NCKAP5: variants seen among roughly 807,000 people sequenced by gnomAD.
NCKAP5 encodes the protein NCK associated protein 5.
Under a neutral mutation model 167.0 loss-of-function variants are expected in NCKAP5, and 92 were observed. The ratio of observed to expected loss-of-function variants is 0.55; its 90% CI spans 0.47 to 0.66. NCKAP5 has a LOEUF of 0.66. Among genes scored for constraint, NCKAP5 ranks in the 30% least tolerant of loss-of-function variants. NCKAP5 has a pLI of 0.00. For synonymous variants in NCKAP5, 891 were observed against 877.4 expected (o/e 1.02, Z -0.27); for missense variants, 2,378 against 2,315.0 (o/e 1.03, Z -0.56).
intron 3 of NCKAP5, among the ~76,000 whole-genome samples, chr2:133,462,650 T>C (rs930276231): frequency 1.3e-5 from 2 of 152,286 alleles, no homozygotes; most frequent in East Asian, 1.9e-4. Context: ...TGTTATATCA[T>C]ACACAGAACT....
At chr2:132,780,378 C>A (rs1026346588) in intron 15 of NCKAP5, among the ~76,000 whole-genome samples, 25 of 152,226 alleles carry the variant, frequency 1.6e-4, no homozygotes, top group African/African-American at 6.0e-4. Context: ...TCTCGATCTC[C>A]TGACCTTGTG....
At chr2:133,392,581 G>T (rs558713894) in intron 3 of NCKAP5, among the ~76,000 whole-genome samples, 10 of 152,190 alleles carry the variant, frequency 6.6e-5, no homozygotes, top group African/African-American at 2.4e-4. Context: ...TGTTGTTTTT[G>T]TCTTTATATA....
intron 5 of NCKAP5, among the ~76,000 whole-genome samples, chr2:133,203,885 T>C (rs1052006408): frequency 3.9e-5 from 6 of 152,366 alleles, no homozygotes; most frequent in South Asian, 2.1e-4. Context: ...AGCATTATTC[T>C]GAAGATTTCT....
In NCKAP5 at chr2:132,958,120, C is replaced by A. The variant is rs147940230; in HGVS notation, c.579+5600G>T. On this transcript the variant is annotated intron_variant, in intron 8 of 19. Transcript: ENST00000409261. Reference sequence around the variant, plus strand: ...TGAACCTCTAGGCAGCCAAGGGCTCCCGCTAGTCCCCATACTACCATAACC... The same window carrying A: ...TGAACCTCTAGGCAGCCAAGGGCTCACGCTAGTCCCCATACTACCATAACC... Among the ~76,000 whole-genome samples, 2 of 152,230 alleles carry A rather than the reference C, an allele frequency of 1.3e-5. 1 individual carries two copies. Among genetic ancestry groups the A allele is most frequent in the East Asian group, 3.9e-4 (2 of 5,184 alleles).
intron 3 of NCKAP5, among the ~76,000 whole-genome samples, chr2:133,410,996 C>A (rs1688737634): frequency 6.6e-6 from 1 of 152,208 alleles, no homozygotes; most frequent in African/African-American, 2.4e-5. Flanking sequence ...TGGCAGTCTG[C>A]ACTGGATGCT....
intron 3 of NCKAP5, among the ~76,000 whole-genome samples, chr2:133,317,676 A>G (rs1036639412): frequency 5.9e-5 from 9 of 152,278 alleles, no homozygotes; most frequent in Admixed American, 5.2e-4. Flanking sequence ...TTAGTGCTGA[A>G]AACACTTGAA....
intron 3 of NCKAP5, among the ~76,000 whole-genome samples, chr2:133,509,052 CA>C (rs1683264122): frequency 1.3e-5 from 2 of 152,198 alleles, no homozygotes; most frequent in African/African-American, 2.4e-5. Context: ...CTGAATGAAA[CA>C]GGTGTCACCC....
intron 2 of NCKAP5, among the ~76,000 whole-genome samples, chr2:133,528,610 G>C (rs966080166): frequency 2.0e-5 from 3 of 152,280 alleles, no homozygotes; most frequent in African/African-American, 7.2e-5. Context: ...TGTAATAGCG[G>C]AATTCCAAGC....
chr2:132,961,149 C>A (rs78521685), intron 8 of NCKAP5, among the ~76,000 whole-genome samples: 7,404 of 152,032 alleles, frequency 0.049, 557 homozygotes, highest in African/African-American at 0.17. Context: ...CCAGCTCTGA[C>A]TGCAGTCTGT....
chr2:132,922,475 G>A (rs957118427), intron 8 of NCKAP5, among the ~76,000 whole-genome samples: 2 of 152,150 alleles, frequency 1.3e-5, no homozygotes, highest in African/African-American at 2.4e-5. Context: ...AAGGTTTTAG[G>A]ATGAAGTTCA....
chr2:133,601,117 C>T, the NCKAP5 span, among the ~76,000 whole-genome samples: 1 of 152,228 alleles, frequency 6.6e-6, no homozygotes, highest in African/African-American at 2.4e-5. Flanking sequence ...TATCACTCAG[C>T]CTCAGCCTCC....
intron 6 of NCKAP5, among the ~76,000 whole-genome samples, chr2:133,021,090 T>C (rs1002511505): frequency 1.3e-5 from 2 of 152,218 alleles, no homozygotes; most frequent in African/African-American, 2.4e-5. Flanking sequence ...TAGACTGGCC[T>C]TTTTTTATTT....
intron 8 of NCKAP5, among the ~76,000 whole-genome samples, chr2:132,962,473 T>C (rs2076542801): frequency 6.6e-6 from 1 of 152,200 alleles, no homozygotes. Context: ...CATTCTGCTT[T>C]ATTATCACCG....
chr2:132,850,133 G>T (rs1688964466), intron 11 of NCKAP5, among the ~76,000 whole-genome samples: 2 of 152,116 alleles, frequency 1.3e-5, no homozygotes, highest in Admixed American at 1.3e-4. Flanking sequence ...TAGGGCAAAT[G>T]ATTTGATCAT....
At chr2:133,012,087 T>C (rs577802373) in intron 6 of NCKAP5, among the ~76,000 whole-genome samples, 1 of 152,226 alleles carries the variant, frequency 6.6e-6, no homozygotes, top group Admixed American at 6.5e-5. Flanking sequence ...GCCTCCTTTG[T>C]CTCCTTTCTC....
intron 3 of NCKAP5, among the ~76,000 whole-genome samples, chr2:133,383,004 A>AT (rs1239091015): frequency 2.6e-5 from 4 of 152,206 alleles, no homozygotes; most frequent in Admixed American, 2.0e-4. Flanking sequence ...TTATGCTTAA[A>AT]TTATTATTCA....
At chr2:133,498,541 A>AAGGG in intron 3 of NCKAP5, among the ~76,000 whole-genome samples, 1 of 136,064 alleles carries the variant, frequency 7.3e-6, no homozygotes, top group Admixed American at 7.3e-5. Flanking sequence ...GGCAGGGAGG[A>AAGGG]AGGGAGGGAG....
chr2:133,470,064 T>G (rs1014868291), intron 3 of NCKAP5, among the ~76,000 whole-genome samples: 45 of 152,260 alleles, frequency 3.0e-4, no homozygotes, highest in African/African-American at 1.0e-3. Context: ...GGAACTGCGT[T>G]CCTTTGGAGG....
intron 3 of NCKAP5, among the ~76,000 whole-genome samples, chr2:133,462,752 T>A (rs1403266273): frequency 3.9e-5 from 6 of 152,154 alleles, no homozygotes; most frequent in Admixed American, 2.0e-4. Flanking sequence ...ACTTTGCAAA[T>A]TCTTAAACAG....
Sources: allele counts gnomAD v4.1 joint callset (sites outside exome capture counted in the v4.1 genomes callset), GRCh38; gene constraint gnomAD v4.1.1; transcripts MANE v1.5; gene names NCBI Gene and HGNC (gene_info 2026-07-23, HGNC 2026-07-21).